The following RYR3 variants were observed in gnomAD, a reference collection of about 807,000 sequenced individuals.
The protein encoded by RYR3 is ryanodine receptor 3, also known as brain ryanodine receptor-calcium release channel.
In RYR3, 207 loss-of-function variants were observed where a neutral mutation model predicts 584.3. That is an observed-to-expected ratio of 0.35 (90% CI 0.32 to 0.40). The LOEUF is 0.40. Among genes scored for constraint, RYR3 ranks in the 10% least tolerant of loss-of-function variants. RYR3 has a pLI of 1.00. For missense variants in RYR3, 5,616 were observed against 6,089.2 expected, an observed-to-expected ratio of 0.92 and a Z score of 2.59; for synonymous variants, 2,416 against 2,248.5, an observed-to-expected ratio of 1.07 and a Z score of -2.11.
chr15:33,634,671 G>A lies in RYR3; in HGVS notation c.3113G>A (p.Arg1038Gln), dbSNP rs369597197. 1.9e-5 allele frequency: 31 copies of A among 1,613,750 alleles called. No homozygotes were observed. The highest frequency in any genetic ancestry group is 6.7e-5 in the East Asian group (3 of 44,892). Residue 1038 changes from arginine to glutamine, a missense_variant, in exon 25 of 104, where the codon CGG becomes CAG. Transcript: ENST00000634891. The stretch of plus-strand genomic sequence containing the variant: ...AAGAAGTCAAACAGGGACAGCCTGC[G>A]GGAAGCTGTGCGCACTTTTGTTGGT... Reference protein sequence around the residue: ...RTKKSNRDSLREAVRTFVGYG... With the variant: ...RTKKSNRDSLQEAVRTFVGYG...
chr15:33,600,726 G>C (rs1275826622), intron 16 of RYR3, among the ~76,000 whole-genome samples: 1 of 152,098 alleles, frequency 6.6e-6, no homozygotes, highest in African/African-American at 2.4e-5. Flanking sequence ...GTATCTTCAT[G>C]AGTTTTGATG....
chr15:33,546,949 AG>A (rs1236221082), intron 8 of RYR3, among the ~76,000 whole-genome samples: 2 of 152,228 alleles, frequency 1.3e-5, no homozygotes, highest in African/African-American at 4.8e-5. Context: ...ATTTTAAGTT[AG>A]TGAATGTAAA....
chr15:33,532,551 A>G (rs2054972906), intron 4 of RYR3, among the ~76,000 whole-genome samples: 1 of 152,168 alleles, frequency 6.6e-6, no homozygotes, highest in Admixed American at 6.5e-5. Flanking sequence ...TTTTAGCTTC[A>G]TGTATTGTAA....
At chr15:33,512,305 C>T (rs1379436942) in intron 3 of RYR3, among the ~76,000 whole-genome samples, 2 of 152,188 alleles carry the variant, frequency 1.3e-5, no homozygotes, top group African/African-American at 2.4e-5. Flanking sequence ...TTTCTTTCTC[C>T]TGCCATATCT....
chr15:33,393,644 C>T (rs2339270), intron 1 of RYR3, among the ~76,000 whole-genome samples: 37,953 of 152,078 alleles, frequency 0.25, 5,192 homozygotes, highest in Non-Finnish European at 0.3. Context: ...GATTGTTTGG[C>T]AGGATTCAGG....
At chr15:33,423,718 C>T (rs1378823370) in intron 1 of RYR3, among the ~76,000 whole-genome samples, 1 of 151,866 alleles carries the variant, frequency 6.6e-6, no homozygotes, top group East Asian at 1.9e-4. Flanking sequence ...TCATTGTGCT[C>T]TTATGCACCC....
chr15:33,564,990 C>A (rs969948060), intron 11 of RYR3, among the ~76,000 whole-genome samples: 1 of 152,124 alleles, frequency 6.6e-6, no homozygotes, highest in Non-Finnish European at 1.5e-5. Flanking sequence ...AAAAACCAAT[C>A]GAGCACAAAC....
chr15:33,677,201 G>A (rs2064241204), intron 38 of RYR3, among the ~76,000 whole-genome samples: 1 of 152,216 alleles, frequency 6.6e-6, no homozygotes, highest in Non-Finnish European at 1.5e-5. Context: ...CACCGGGCAG[G>A]GATGCCTGGA....
At chr15:33,472,881 C>T (rs1297255815) in intron 1 of RYR3, among the ~76,000 whole-genome samples, 2 of 152,054 alleles carry the variant, frequency 1.3e-5, no homozygotes, top group Non-Finnish European at 2.9e-5. Flanking sequence ...TCTCCTTCAC[C>T]CTCCATATCT....
At chr15:33,757,335 A>G in intron 59 of RYR3, 140 bp from the exon 60 acceptor site, 1 of 896,086 alleles carries the variant, frequency 1.1e-6, no homozygotes, top group Non-Finnish European at 1.7e-6. Context: ...GGAAACTGGG[A>G]CCAAAGGGGT....
At chr15:33,759,191 A>G (rs1241179319) in intron 60 of RYR3, among the ~76,000 whole-genome samples, 1 of 152,212 alleles carries the variant, frequency 6.6e-6, no homozygotes, top group Admixed American at 6.5e-5. Flanking sequence ...GATGGGGAAA[A>G]CAGCACAAAA....
intron 1 of RYR3, among the ~76,000 whole-genome samples, chr15:33,353,591 T>TGGG (rs1973565177): frequency 6.6e-6 from 1 of 152,220 alleles, no homozygotes; most frequent in African/African-American, 2.4e-5. Context: ...TCCCACATCC[T>TGGG]AGAAACCCCA....
At chr15:33,315,748 A>C (rs1021251343) in intron 1 of RYR3, among the ~76,000 whole-genome samples, 1 of 152,218 alleles carries the variant, frequency 6.6e-6, no homozygotes. Flanking sequence ...AACTTGAATC[A>C]GAAAGGCCGC....
At chr15:33,365,270 G>T (rs1227059396) in intron 1 of RYR3, among the ~76,000 whole-genome samples, 2 of 152,184 alleles carry the variant, frequency 1.3e-5, no homozygotes, top group African/African-American at 4.8e-5. Flanking sequence ...ATGTGGAATT[G>T]AGAGCTCATG....
chr15:33,377,695 A>G (rs1168060337), intron 1 of RYR3, among the ~76,000 whole-genome samples: 1 of 152,232 alleles, frequency 6.6e-6, no homozygotes, highest in East Asian at 1.9e-4. Context: ...ACATCTTCTG[A>G]TATCTCAGAT....
intron 2 of RYR3, among the ~76,000 whole-genome samples, chr15:33,502,623 C>T (rs1351611983): frequency 2.0e-5 from 3 of 152,186 alleles, no homozygotes; most frequent in African/African-American, 7.2e-5. Context: ...GTATCTTTTC[C>T]AATATCAAGC....
intron 45 of RYR3, among the ~76,000 whole-genome samples, chr15:33,725,993 A>AAAAAAAAAAAAAC: frequency 1.3e-5 from 1 of 79,034 alleles, no homozygotes; most frequent in Non-Finnish European, 2.7e-5. Context: ...AAAAAAAAAA[A>AAAAAAAAAAAAAC]AAAACAGAAT....
Position 33,823,019 on chromosome 15 carries a change from G to A in RYR3, c.11019G>A (p.Glu3673=). ...AGAAAATGCTAGATTACCTAAAGGA[G>A]AAAAAGGATGCTGGATTCTTTCAAA... ...VQQKMLDYLK[E]KKDAGFFQSL... is the part of the protein sequence containing the mutation. Residue 3673 remains glutamate (E), a synonymous_variant, in exon 81 of 104, where the codon GAG becomes GAA. Transcript: ENST00000634891. The A allele has an allele frequency of 6.2e-7, 1 of 1,613,466 alleles. No homozygotes were observed.
chr15:33,624,907 T>C (rs910980998), intron 20 of RYR3, among the ~76,000 whole-genome samples: 5 of 152,224 alleles, frequency 3.3e-5, no homozygotes, highest in Non-Finnish European at 5.9e-5. Context: ...CATGCATTTT[T>C]CCCATAATAT....
Sources: gnomAD v4.1 joint callset for allele counts (sites outside exome capture counted in the v4.1 genomes callset) on GRCh38, gnomAD v4.1.1 for gene constraint, MANE v1.5 for transcripts, NCBI Gene and HGNC (gene_info 2026-07-23, HGNC 2026-07-21) for gene names.